NT5C1B: variants seen among roughly 807,000 people sequenced by gnomAD.
NT5C1B encodes cytosolic 5'-nucleotidase 1B.
In NT5C1B, 44 loss-of-function variants were observed where a neutral mutation model predicts 57.8. The ratio of observed to expected loss-of-function variants is 0.76; its 90% CI spans 0.60 to 0.98. The LOEUF is 0.98. NT5C1B is among the 50% of genes least tolerant of loss of function. The pLI is 0.00. For missense variants in NT5C1B, 742 were observed against 719.5 expected (o/e 1.03, Z -0.36); for synonymous variants, 284 against 282.6 (o/e 1.00, Z -0.05).
At position 18,584,485 on chromosome 2, in the gene NT5C1B, C is replaced by T. The variant is rs771104166; in HGVS notation, c.723+29G>A. The T allele has an allele frequency of 1.3e-6, 2 of 1,594,828 alleles. No individual in the cohort carries two copies. Among genetic ancestry groups the T allele is most frequent in the Non-Finnish European group, 1.7e-6 (2 of 1,171,558 alleles). On this transcript the variant is annotated intron_variant, in intron 4 of 8. Transcript: ENST00000304081. This position sits in a 1 kb window ranked among gnomAD's most constrained non-coding sequence, Gnocchi z 5.8. ...GAAGAGGCTGCAAGGAAGGGCGCCC[C>T]GGCTGCCAGGGGCGGCGGGCTGGCT...
At position 18,584,495 on chromosome 2, in the gene NT5C1B, G is replaced by T; in HGVS notation, c.723+19C>A. On this transcript the variant is annotated intron_variant, in intron 4 of 8. Coordinates refer to ENST00000304081, the Ensembl canonical transcript of NT5C1B. This position sits in a 1 kb window ranked among gnomAD's most constrained non-coding sequence, Gnocchi z 5.8. ...CAAGGAAGGGCGCCCCGGCTGCCAG[G>T]GGCGGCGGGCTGGCTCACCGGCCAG... is the stretch of plus-strand genomic sequence containing the variant. The T allele has an allele frequency of 2.5e-6, 4 of 1,601,244 alleles. No homozygotes were observed. Among genetic ancestry groups the T allele is most frequent in the Non-Finnish European group, 3.4e-6 (4 of 1,174,764 alleles).
intron 2 of NT5C1B, 53 bp downstream of exon 2, chr2:18,587,450 A>G (rs1279970732): frequency 6.2e-7 from 1 of 1,600,268 alleles, no homozygotes; most frequent in African/African-American, 1.3e-5. Context: ...AACATTTTCC[A>G]TTATGCTTTC....
chr2:18,587,062 G>A, intron 2 of NT5C1B: 1 of 1,614,096 alleles, frequency 6.2e-7, no homozygotes, highest in Non-Finnish European at 8.5e-7. Context: ...CGTATTGTGT[G>A]GCAGGGGCCA....
intron 5 of NT5C1B, chr2:18,583,548 A>C: frequency 3.5e-6 from 1 of 287,780 alleles, no homozygotes; most frequent in African/African-American, 2.2e-5. Context: ...TAGAGGTGTC[A>C]TTTGTTTTTG....
At chr2:18,564,905 A>G (rs893422265) in intron 8 of NT5C1B, among the ~76,000 whole-genome samples, 18 of 152,132 alleles carry the variant, frequency 1.2e-4, no homozygotes, top group Non-Finnish European at 2.1e-4. Flanking sequence ...TTACCTTTAC[A>G]ACTATAACCT....
Position 18,584,806 on chromosome 2 carries a change from C to T in NT5C1B, c.431G>A (p.Arg144Gln), listed in dbSNP as rs1572378553. 3.7e-6 allele frequency: 6 copies of T among 1,612,920 alleles called. No individual in the cohort carries two copies. The East Asian group carries it at 6.7e-5, about 18-fold the overall frequency. ...ATTCTCTTGCATTTTGGTGCTGCGC[C>T]GGGAGCCAGGATCGGGCTCTGGGGG... Residue 144 changes from arginine to glutamine, a missense_variant, in exon 4 of 9, where the codon CGG becomes CAG. Transcript: ENST00000304081. This position sits in a 1 kb window ranked among gnomAD's most constrained non-coding sequence, Gnocchi z 5.8.
At chr2:18,577,577 A>G (rs908490923) in intron 6 of NT5C1B, among the ~76,000 whole-genome samples, 14 of 152,222 alleles carry the variant, frequency 9.2e-5, no homozygotes, top group African/African-American at 2.9e-4. Flanking sequence ...TAAAGATACA[A>G]CATACCAGAA....
exon 9 of NT5C1B, chr2:18,564,056 C>G: frequency 6.2e-7 from 1 of 1,609,738 alleles, no homozygotes; most frequent in Non-Finnish European, 8.5e-7. Context: ...AGTAACCGTT[C>G]ATTTTTGGCA....
Position 18,576,874 on chromosome 2 carries a change from C to G in NT5C1B, c.1043G>C (p.Cys348Ser), listed in dbSNP as rs149545160. ...AATGGGGTCTTTTCCCCCGGTCAGA[C>G]AGAAGCGGTCAATCAGTAAGCCTAT... Residue 348 changes from cysteine (C) to serine (S), a missense_variant, in exon 7 of 9, where the codon TGT becomes TCT. Cys to Ser is a moderately radical substitution (Grantham distance 112, BLOSUM62 -1). Coordinates refer to ENST00000304081, the Ensembl canonical transcript of NT5C1B. 2.0e-5 allele frequency: 32 copies of G among 1,613,750 alleles called. No homozygotes were observed. In the Admixed American group the frequency reaches 2.7e-4, roughly 13 times the overall value.
chr2:18,575,857 T>C (rs183140692), intron 8 of NT5C1B, among the ~76,000 whole-genome samples: 9 of 152,348 alleles, frequency 5.9e-5, no homozygotes, highest in African/African-American at 2.2e-4. Flanking sequence ...TTTGAGAATT[T>C]ATTATGTAGA....
At chr2:18,573,825 TG>T (rs1665429121) in intron 8 of NT5C1B, among the ~76,000 whole-genome samples, 1 of 152,158 alleles carries the variant, frequency 6.6e-6, no homozygotes, top group Non-Finnish European at 1.5e-5. Flanking sequence ...AAAAATGGCA[TG>T]TTTTTTAAAC....
At chr2:18,589,182 T>A (rs1666979629) in intron 1 of NT5C1B, among the ~76,000 whole-genome samples, 1 of 152,264 alleles carries the variant, frequency 6.6e-6, no homozygotes, top group South Asian at 2.1e-4. Flanking sequence ...AAATGAATAC[T>A]GACTTATTGG....
Position 18,584,432 on chromosome 2 carries a change from C to T in NT5C1B, c.723+82G>A, listed in dbSNP as rs1572375451. 1.3e-6 allele frequency: 2 copies of T among 1,548,886 alleles called. No individual in the cohort carries two copies. The highest frequency in any genetic ancestry group is 4.7e-5 in the East Asian group (2 of 42,136). Reference sequence around the variant, plus strand: ...TTGGGGAGGAGAAGCGGGAGGACCTCCCTGCGCAGTGGAGAGGAGGGCGGC... The same window carrying T: ...TTGGGGAGGAGAAGCGGGAGGACCTTCCTGCGCAGTGGAGAGGAGGGCGGC... On this transcript the variant is annotated intron_variant, in intron 4 of 8. Transcript: ENST00000304081. This position sits in a 1 kb window ranked among gnomAD's most constrained non-coding sequence, Gnocchi z 5.8.
At position 18,574,327 on chromosome 2, in the gene NT5C1B, C is replaced by T. The variant is rs146563613; in HGVS notation, c.1329+1857G>A. ...AGAAGACAAAACAAAACAAAGATAC[C>T]AAATGCTGGGGGAGTATGTAGAGAA... On this transcript the variant is annotated intron_variant, in intron 8 of 8. Transcript: ENST00000304081. Among the ~76,000 whole-genome samples, 1,520 of 152,094 alleles carry T rather than the reference C, an allele frequency of 1.0e-2. 37 individuals are homozygous for T. The highest frequency in any genetic ancestry group is 0.035 in the African/African-American group (1,449 of 41,488).
chr2:18,564,216 A>C, intron 8 of NT5C1B, 97 bp from the exon 9 acceptor site: 3 of 1,334,678 alleles, frequency 2.2e-6, no homozygotes, highest in Non-Finnish European at 2.9e-6. Flanking sequence ...AATACAAAGG[A>C]TATAATACAG....
rs974223607 is a variant in NT5C1B, at chr2:18,578,505, A to AAGAACTAAAAGTTCTTAAACTTTTAGTTC, written c.1022-1639_1022-1611dup. Among the ~76,000 whole-genome samples, 24 of 152,206 alleles carry AAGAACTAAAAGTTCTTAAACTTTTAGTTC rather than the reference A, an allele frequency of 1.6e-4. No individual in the cohort carries two copies. In the Middle Eastern group the frequency reaches 0.014, roughly 87 times the overall value. ...ATGTGATTCATCAAATAAAAGTAAA[A>AAGAACTAAAAGTTCTTAAACTTTTAGTTC]AGAACTAAAAGTTCTTAAACTTTTA... On this transcript the variant is annotated intron_variant, in intron 6 of 8. Coordinates refer to ENST00000304081, the Ensembl canonical transcript of NT5C1B.
At chr2:18,568,397 T>C (rs1664849759) in intron 8 of NT5C1B, among the ~76,000 whole-genome samples, 1 of 152,052 alleles carries the variant, frequency 6.6e-6, no homozygotes, top group African/African-American at 2.4e-5. Flanking sequence ...AGAGATTCAG[T>C]ACCAGTAGAT....
chr2:18,579,299 C>T (rs1332490595), intron 6 of NT5C1B, among the ~76,000 whole-genome samples: 7 of 152,130 alleles, frequency 4.6e-5, no homozygotes. Flanking sequence ...TTTGGAAATT[C>T]ACATGGAATC....
chr2:18,572,083 C>CA (rs34186303), intron 8 of NT5C1B, among the ~76,000 whole-genome samples: 203 of 97,320 alleles, frequency 2.1e-3, no homozygotes, highest in Middle Eastern at 5.3e-3. Context: ...GAGACTCTGT[C>CA]AAAAAAAAAA....
Sources: allele counts gnomAD v4.1 joint callset (sites outside exome capture counted in the v4.1 genomes callset), GRCh38; gene constraint gnomAD v4.1.1; non-coding constraint Gnocchi (gnomAD v3.1); transcripts MANE v1.5; gene names NCBI Gene and HGNC (gene_info 2026-07-23, HGNC 2026-07-21).